ZMYM6: variants seen among roughly 807,000 people sequenced by gnomAD.
The protein encoded by ZMYM6 is zinc finger MYM-type containing 6.
ZMYM6 carries 90 observed loss-of-function variants against 134.0 expected under a neutral mutation model. The ratio of observed to expected loss-of-function variants is 0.67; its 90% confidence interval spans 0.57 to 0.80. ZMYM6 has a LOEUF of 0.80. Among genes scored for constraint, ZMYM6 ranks in the 30% least tolerant of loss-of-function variants. The pLI is 0.00. For synonymous variants in ZMYM6, 481 were observed against 524.1 expected (o/e 0.92, Z 1.12); for missense variants, 1,362 against 1,533.9 (o/e 0.89, Z 1.87).
intron 12 of ZMYM6, 57 bp from the exon 13 acceptor site, chr1:35,005,329 ACACT>A (rs1216302804): frequency 6.5e-7 from 1 of 1,533,426 alleles, no homozygotes; most frequent in Non-Finnish European, 8.9e-7. Flanking sequence ...TCTCTCATAC[ACACT>A]CACACTCACA....
chr1:35,007,235 A>C, intron 11 of ZMYM6, 137 bp from the exon 12 acceptor site: 3 of 768,524 alleles, frequency 3.9e-6, no homozygotes, highest in Non-Finnish European at 5.6e-6. Flanking sequence ...TCTTACCTTA[A>C]AATACTGATT....
At chr1:35,023,820 C>G (rs1219944113) in intron 2 of ZMYM6, among the ~76,000 whole-genome samples, 1 of 151,946 alleles carries the variant, frequency 6.6e-6, no homozygotes, top group Non-Finnish European at 1.5e-5. Context: ...GACGGGGTTT[C>G]ACCGTGTTAG....
At chr1:35,002,716 G>T (rs557111322) in intron 14 of ZMYM6, among the ~76,000 whole-genome samples, 155 of 152,240 alleles carry the variant, frequency 1.0e-3, no homozygotes, top group African/African-American at 3.7e-3. Flanking sequence ...CAGTGGTTTG[G>T]TCATCTTCAT....
At chr1:34,994,853 C>G (rs1320987641) in intron 14 of ZMYM6, among the ~76,000 whole-genome samples, 1 of 151,094 alleles carries the variant, frequency 6.6e-6, no homozygotes, top group Non-Finnish European at 1.5e-5. Flanking sequence ...TGTTCCAAGA[C>G]CCCCAGTGGT....
intron 14 of ZMYM6, among the ~76,000 whole-genome samples, chr1:34,997,252 C>T (rs1170340190): frequency 1.3e-5 from 2 of 152,160 alleles, no homozygotes; most frequent in Admixed American, 6.5e-5. Context: ...TTACTTTTGC[C>T]CATTTTCCTA....
In ZMYM6 at chr1:34,992,828, T is replaced by C. The variant is rs960048586; in HGVS notation, c.1993-441A>G. On this transcript the variant is annotated intron_variant, in intron 14 of 15. Transcript: ENST00000357182. ...TAAAAATATACTTATAAACTATAAA[T>C]ATAAAAATATACTTATAAACTATAA... Among the ~76,000 whole-genome samples the C allele has an allele frequency of 9.4e-4, 136 of 145,214 alleles. 3 individuals carry two copies. The highest frequency in any genetic ancestry group is 9.2e-3 in the Admixed American group (134 of 14,554).
At chr1:35,002,808 T>C (rs924691308) in intron 14 of ZMYM6, among the ~76,000 whole-genome samples, 12 of 152,176 alleles carry the variant, frequency 7.9e-5, no homozygotes, top group Non-Finnish European at 1.5e-4. Flanking sequence ...CACCACTTAA[T>C]ATAACACTTA....
At position 35,015,150 on chromosome 1, in the gene ZMYM6, A is replaced by T. The variant is rs1434461433; in HGVS notation, c.441T>A (p.Asn147Lys). ...TCTNCSKDIL[N>K]PKDVITTRFE... ...AGCGAGTTGTGATCACATCCTTAGG[A>T]TTTAAAATGTCTCTAAAAATAAATA... The change falls in exon 5 of 16, where the codon AAT becomes AAA. Residue 147 changes from asparagine (N) to lysine (K), a missense_variant. This residue lies in a region of ZMYM6 where 503 missense variants were observed against 520.8 expected (regional missense o/e 0.97). Coordinates refer to ENST00000357182, the MANE Select transcript of ZMYM6 (RefSeq NM_007167.4). 1 of 1,590,556 alleles carries T rather than the reference A, an allele frequency of 6.3e-7. No individual in the cohort carries two copies. Among genetic ancestry groups the T allele is most frequent in the Non-Finnish European group, 8.5e-7 (1 of 1,173,650 alleles).
At position 35,012,443 on chromosome 1, in the gene ZMYM6, C is replaced by A; in HGVS notation, c.934G>T (p.Val312Phe). The A allele has an allele frequency of 6.5e-7, 1 of 1,541,044 alleles. No homozygotes were observed. The highest frequency in any genetic ancestry group is 8.7e-7 in the Non-Finnish European group (1 of 1,149,246). ...ATTTAAACATTACCTGAAGAAGTAA[C>A]AGTCTTAACTCTGTAAGCAGATAAG... Reference protein sequence around the residue: ...NCLSAYRVKTVTSSGVQVSCH... With the variant: ...NCLSAYRVKTFTSSGVQVSCH... The change falls in exon 7 of 16, where the codon GTT becomes TTT. Residue 312 changes from valine (V) to phenylalanine (F), a missense_variant. Around this residue, in one of 3 missense-constraint regions of ZMYM6, gnomAD observed 503 missense variants for 520.8 expected, o/e 0.97. Transcript: ENST00000357182.
At chr1:34,991,732 T>G (rs1194452316) in intron 15 of ZMYM6, among the ~76,000 whole-genome samples, 3 of 151,966 alleles carry the variant, frequency 2.0e-5, no homozygotes, top group Non-Finnish European at 4.4e-5. Context: ...ATCACGCTAT[T>G]GCACTCCAGC....
At chr1:35,015,743 A>AATATATATATATATATATAT (rs35800399) in intron 4 of ZMYM6, among the ~76,000 whole-genome samples, 1 of 106,462 alleles carries the variant, frequency 9.4e-6, no homozygotes, top group African/African-American at 6.6e-5. Flanking sequence ...AAAAAAAAAA[A>AATATATATATATATATATAT]ATATATATAT....
At chr1:35,014,649 A>G (rs1641148526) in intron 6 of ZMYM6, 48 bp downstream of exon 6, 1 of 1,570,090 alleles carries the variant, frequency 6.4e-7, no homozygotes, top group East Asian at 2.2e-5. Context: ...TGTGCAGCCA[A>G]ATCAGAAGGA....
intron 14 of ZMYM6, among the ~76,000 whole-genome samples, chr1:34,998,294 C>G (rs1486939438): frequency 1.3e-5 from 2 of 152,010 alleles, no homozygotes; most frequent in Non-Finnish European, 2.9e-5. Context: ...ATGTTTGGAC[C>G]TATTTCTGGA....
intron 2 of ZMYM6, among the ~76,000 whole-genome samples, chr1:35,029,162 C>G (rs1338315423): frequency 6.6e-6 from 1 of 152,146 alleles, no homozygotes; most frequent in Non-Finnish European, 1.5e-5. Context: ...AACATTGCAG[C>G]AAAACTCCAT....
At chr1:35,015,723 CA>C (rs1331400824) in intron 4 of ZMYM6, among the ~76,000 whole-genome samples, 413 of 51,192 alleles carry the variant, frequency 8.1e-3, no homozygotes, top group Middle Eastern at 0.023. Context: ...GACTCCATCT[CA>C]AAAAAAAAAA....
intron 2 of ZMYM6, among the ~76,000 whole-genome samples, chr1:35,027,920 C>T (rs1055737839): frequency 6.6e-6 from 1 of 152,170 alleles, no homozygotes; most frequent in African/African-American, 2.4e-5. Flanking sequence ...CACTCCACAT[C>T]TAACAGACAC....
chr1:35,026,106 C>T (rs1557589925), intron 2 of ZMYM6, among the ~76,000 whole-genome samples: 1 of 152,026 alleles, frequency 6.6e-6, no homozygotes. Flanking sequence ...CTGCAACCTC[C>T]GCCTCCCAGG....
intron 2 of ZMYM6, chr1:35,030,297 G>GGT: frequency 2.5e-6 from 1 of 407,350 alleles, no homozygotes; most frequent in Non-Finnish European, 4.3e-6. Context: ...TGAGCATGTT[G>GGT]GTGTGTGCCC....
intron 14 of ZMYM6, among the ~76,000 whole-genome samples, chr1:35,003,222 A>G (rs1640911792): frequency 4.0e-5 from 6 of 151,696 alleles, no homozygotes; most frequent in Admixed American, 3.9e-4. Flanking sequence ...GTCATCAAAA[A>G]CATTAACCCA....
Sources: gnomAD v4.1 joint callset for allele counts (sites outside exome capture counted in the v4.1 genomes callset) on GRCh38, gnomAD v4.1.1 for gene constraint, gnomAD v4.1.1 regional missense constraint, MANE v1.5 for transcripts, NCBI Gene and HGNC (gene_info 2026-07-23, HGNC 2026-07-21) for gene names.